CLEC16A: variants seen among roughly 807,000 people sequenced by gnomAD.
CLEC16A encodes the protein protein CLEC16A.
CLEC16A carries 51 observed loss-of-function variants against 109.5 expected under a neutral mutation model. That is an observed-to-expected ratio of 0.47 (90% CI 0.37 to 0.59). The LOEUF is 0.59. Ranked by LOEUF, CLEC16A falls within the 20% of genes least tolerant of loss-of-function variation. The pLI, the probability that CLEC16A is intolerant of heterozygous loss-of-function variation, is 0.00. For synonymous variants in CLEC16A, 673 were observed against 564.2 expected (o/e 1.19, Z -2.73); for missense variants, 1,339 against 1,394.0 (o/e 0.96, Z 0.63).
intron 19 of CLEC16A, among the ~76,000 whole-genome samples, chr16:11,105,940 G>C (rs1490322728): frequency 6.6e-6 from 1 of 152,160 alleles, no homozygotes; most frequent in Admixed American, 6.5e-5. Context: ...AAGAGATTCT[G>C]GAAAGAGTCC....
intron 1 of CLEC16A, among the ~76,000 whole-genome samples, chr16:10,953,544 A>C (rs144553007): frequency 6.6e-6 from 1 of 152,208 alleles, no homozygotes; most frequent in Admixed American, 6.5e-5. Context: ...AAGAACCTCT[A>C]CTCATCTAAA....
At chr16:11,022,869 A>C (rs1357265597) in intron 12 of CLEC16A, among the ~76,000 whole-genome samples, 1 of 150,700 alleles carries the variant, frequency 6.6e-6, no homozygotes, top group East Asian at 1.9e-4. Context: ...ACTGCACTCC[A>C]GCCTGGGCAA....
intron 19 of CLEC16A, among the ~76,000 whole-genome samples, chr16:11,081,550 C>G (rs1345949609): frequency 1.3e-5 from 2 of 152,174 alleles, no homozygotes; most frequent in African/African-American, 4.8e-5. Context: ...AATCCTCCTC[C>G]ATGGCCATCT....
chr16:10,945,465 TC>T (rs2041309147), intron 1 of CLEC16A, among the ~76,000 whole-genome samples: 1 of 152,166 alleles, frequency 6.6e-6, no homozygotes, highest in South Asian at 2.1e-4. Flanking sequence ...AGGGAATGAC[TC>T]TACAGCTCTG....
chr16:11,021,633 C>T (rs886671333), intron 12 of CLEC16A, among the ~76,000 whole-genome samples: 2 of 152,036 alleles, frequency 1.3e-5, no homozygotes, highest in African/African-American at 2.4e-5. Flanking sequence ...CCCATCTTTA[C>T]GAAAATATTA....
chr16:11,142,012 G>A (rs1198505408), intron 22 of CLEC16A, among the ~76,000 whole-genome samples: 1 of 152,162 alleles, frequency 6.6e-6, no homozygotes, highest in African/African-American at 2.4e-5. Flanking sequence ...GGGCACTGGG[G>A]ATGTCTGACA....
At chr16:10,988,509 CAGTG>C (rs2043806583) in intron 10 of CLEC16A, among the ~76,000 whole-genome samples, 1 of 152,178 alleles carries the variant, frequency 6.6e-6, no homozygotes, top group South Asian at 2.1e-4. Flanking sequence ...GTGAATGACT[CAGTG>C]GGTGAAGTGG....
intron 10 of CLEC16A, among the ~76,000 whole-genome samples, chr16:10,983,686 C>T (rs1287146392): frequency 6.6e-6 from 1 of 152,110 alleles, no homozygotes; most frequent in Non-Finnish European, 1.5e-5. Context: ...CTCTGTATAT[C>T]TCTGCTGTCA....
intron 11 of CLEC16A, among the ~76,000 whole-genome samples, chr16:11,015,105 A>G (rs1035578667): frequency 1.3e-5 from 2 of 152,210 alleles, no homozygotes; most frequent in Non-Finnish European, 2.9e-5. Flanking sequence ...TTGTTTGGAT[A>G]AAACTATCAA....
rs1198722618 is a variant in CLEC16A, at chr16:10,944,614, C to T, written c.-104C>T. ...AAGGCGGCTCGCGGTTCCTCCACCGCCTCCGCCGCCGCATCCTCCGCTTGT... is the reference window on the plus strand; with the variant it reads ...AAGGCGGCTCGCGGTTCCTCCACCGTCTCCGCCGCCGCATCCTCCGCTTGT... On this transcript the variant is annotated 5_prime_UTR_variant, in exon 1 of 24. Transcript: ENST00000409790. 1 of 1,135,538 alleles carries T rather than the reference C, an allele frequency of 8.8e-7. No homozygotes were observed. Among genetic ancestry groups the T allele is most frequent in the Non-Finnish European group, 1.3e-6 (1 of 795,018 alleles). The allele number at this position is 1,135,538 out of a possible 1,614,324, so 70.3% of individuals were successfully genotyped here. A position where few individuals can be genotyped will look rare whatever the true frequency, so the allele number is the denominator to read the frequency against.
chr16:11,054,580 C>A (rs2048113225), intron 18 of CLEC16A, among the ~76,000 whole-genome samples: 1 of 152,196 alleles, frequency 6.6e-6, no homozygotes, highest in South Asian at 2.1e-4. Context: ...CTCAAGTCCT[C>A]CCAGGGTCCC....
At chr16:11,160,855 G>C (rs41369) in intron 22 of CLEC16A, among the ~76,000 whole-genome samples, 3,862 of 152,116 alleles carry the variant, frequency 0.025, 77 homozygotes, top group Middle Eastern at 0.041. Context: ...GCAGCTGCTG[G>C]AGTTCCAGCC....
chr16:11,058,170 C>T (rs1019023496), intron 18 of CLEC16A, among the ~76,000 whole-genome samples: 2 of 152,208 alleles, frequency 1.3e-5, no homozygotes, highest in Non-Finnish European at 2.9e-5. Context: ...GGAATCGGCC[C>T]GCCTCAGATT....
rs535890045 is a variant in CLEC16A at position 11,070,683 on chromosome 16, G to A, written c.2116+9661G>A. Reference sequence around the variant, plus strand: ...CCCATGCCAGTCTGAATAAAAAACAGAGACCTTTACCCCTGAGGCTTATTA... The same window carrying A: ...CCCATGCCAGTCTGAATAAAAAACAAAGACCTTTACCCCTGAGGCTTATTA... On this transcript the variant is annotated intron_variant, in intron 19 of 23. Transcript: ENST00000409790. 8 of 152,286 alleles carry A rather than the reference G, an allele frequency of 5.3e-5. No individual in the cohort carries two copies. In the East Asian group the frequency reaches 1.4e-3, roughly 26 times the overall value. The allele number at this position is 152,286 out of a possible 1,614,324, so 9.4% of individuals were successfully genotyped here.
At chr16:11,122,504 G>A (rs1418050611) in intron 20 of CLEC16A, among the ~76,000 whole-genome samples, 1 of 152,054 alleles carries the variant, frequency 6.6e-6, no homozygotes, top group Non-Finnish European at 1.5e-5. Flanking sequence ...TCTTCCAATG[G>A]GTGCTATTTG....
In CLEC16A at chr16:11,123,924, C is replaced by T. The variant is rs201862605; in HGVS notation, c.2451C>T (p.Arg817=). 92 of 1,611,772 alleles carry T rather than the reference C, an allele frequency of 5.7e-5. No individual in the cohort carries two copies. The highest frequency in any genetic ancestry group is 2.7e-4 in the Admixed American group (16 of 59,804). The change falls in exon 21 of 24, where the codon CGC becomes CGT. Residue 817 remains arginine (R), a synonymous_variant. Transcript: ENST00000409790. ...RLAKGRIQAR[R]MKMQRIAALL... ...CCAAAGGCCGCATCCAGGCAAGGCG[C>T]ATGAAGATGCAGAGAATAGCTGGTG... is the stretch of plus-strand genomic sequence containing the variant.
intron 1 of CLEC16A, among the ~76,000 whole-genome samples, chr16:10,948,170 G>GGC (rs1173168737): frequency 2.0e-5 from 3 of 152,202 alleles, no homozygotes; most frequent in Non-Finnish European, 2.9e-5. Context: ...TGGGATTACA[G>GGC]GCATGAGCCA....
intron 10 of CLEC16A, among the ~76,000 whole-genome samples, chr16:10,993,219 A>C (rs1381275420): frequency 6.6e-6 from 1 of 152,082 alleles, no homozygotes; most frequent in African/African-American, 2.4e-5. Context: ...CTCTTCAAAA[A>C]AATACAAAAA....
At chr16:11,171,323 GC>G (rs1212427592) in intron 23 of CLEC16A, among the ~76,000 whole-genome samples, 2 of 152,212 alleles carry the variant, frequency 1.3e-5, no homozygotes, top group Non-Finnish European at 2.9e-5. Flanking sequence ...CAGAGGCAGA[GC>G]TATGGGTGCC....
Sources: gnomAD v4.1 joint callset for allele counts (sites outside exome capture counted in the v4.1 genomes callset) on GRCh38, gnomAD v4.1.1 for gene constraint, MANE v1.5 for transcripts, NCBI Gene and HGNC (gene_info 2026-07-23, HGNC 2026-07-21) for gene names.